CAMK2D: variants seen among roughly 807,000 people sequenced by gnomAD.
CAMK2D encodes the protein calcium/calmodulin dependent protein kinase II delta, also known as calcium/calmodulin-dependent protein kinase type II subunit delta.
In CAMK2D, 37 loss-of-function variants were observed where a neutral mutation model predicts 84.0. The ratio of observed to expected loss-of-function variants is 0.44; its 90% CI spans 0.34 to 0.58. The LOEUF is 0.58. CAMK2D is among the 20% of genes least tolerant of loss of function. The pLI, the probability that CAMK2D is intolerant of heterozygous loss-of-function variation, is 0.02. For synonymous variants in CAMK2D, 202 were observed against 212.5 expected (o/e 0.95, Z 0.43); for missense variants, 448 against 652.5 (o/e 0.69, Z 3.41).
intron 4 of CAMK2D, among the ~76,000 whole-genome samples, chr4:113,589,109 G>A (rs975755419): frequency 6.6e-6 from 1 of 152,162 alleles, no homozygotes; most frequent in Admixed American, 6.6e-5. Flanking sequence ...CTGTGAGGTA[G>A]GCAGTGTGGC....
intron 6 of CAMK2D, among the ~76,000 whole-genome samples, chr4:113,543,131 A>T (rs1210238848): frequency 6.6e-6 from 1 of 152,228 alleles, no homozygotes; most frequent in Admixed American, 6.5e-5. Context: ...TATTTGAAAA[A>T]GCATAGCTTT....
Position 113,454,447 on chromosome 4 carries a change from G to A in CAMK2D, c.*98C>T. ...GAAACATGCATGAAGAGGAGGAGAGGACGGCCCAGGGTCACCATCCAGGTG... is the reference window on the plus strand; with the variant it reads ...GAAACATGCATGAAGAGGAGGAGAGAACGGCCCAGGGTCACCATCCAGGTG... On this transcript the variant is annotated 3_prime_UTR_variant, in exon 21 of 21. Transcript: ENST00000511664. The A allele has an allele frequency of 1.5e-5, 12 of 774,558 alleles. No homozygotes were observed. The South Asian group carries it at 1.6e-4, about 10-fold the overall frequency. The allele number at this position is 774,558 out of a possible 1,614,324, so 48.0% of individuals were successfully genotyped here. A position where few individuals can be genotyped will look rare whatever the true frequency, so the allele number is the denominator to read the frequency against.
chr4:113,704,380 T>C (rs1398577529), intron 2 of CAMK2D, among the ~76,000 whole-genome samples: 4 of 152,178 alleles, frequency 2.6e-5, no homozygotes, highest in Admixed American at 6.5e-5. Flanking sequence ...ACTTTATTGT[T>C]TTATATAAGA....
rs1456311814 is a variant in CAMK2D, at chr4:113,510,250, AT to A, written c.947-576del. 1.2e-4 allele frequency among the ~76,000 whole-genome samples: 19 copies of A among 152,314 alleles called. No homozygotes were observed. The East Asian group carries it at 3.7e-3, about 29-fold the overall frequency. ...ATGGCATATTATTGGCTTAGAGCAAATTTTTAAAATGTTTAGCACATGATCT... is the reference window on the plus strand; with the variant it reads ...ATGGCATATTATTGGCTTAGAGCAAATTTTAAAATGTTTAGCACATGATCT... On this transcript the variant is annotated intron_variant, in intron 12 of 20. Coordinates refer to ENST00000511664, the MANE Select transcript of CAMK2D (RefSeq NM_001321571.2).
At chr4:113,750,915 G>A (rs1268539475) in intron 2 of CAMK2D, among the ~76,000 whole-genome samples, 1 of 152,158 alleles carries the variant, frequency 6.6e-6, no homozygotes, top group Non-Finnish European at 1.5e-5. Flanking sequence ...AGCTACTCAG[G>A]AGGCTGAGGC....
At chr4:113,707,494 A>T (rs2099464114) in intron 2 of CAMK2D, among the ~76,000 whole-genome samples, 2 of 152,312 alleles carry the variant, frequency 1.3e-5, no homozygotes, top group South Asian at 4.1e-4. Flanking sequence ...GCAATGACAT[A>T]TTTGGGTTAC....
intron 3 of CAMK2D, among the ~76,000 whole-genome samples, chr4:113,623,121 A>T (rs1489638131): frequency 6.6e-6 from 1 of 152,146 alleles, no homozygotes; most frequent in African/African-American, 2.4e-5. Context: ...ATGATTCTCA[A>T]AGGTTATACC....
At chr4:113,585,716 C>T (rs541007156) in intron 4 of CAMK2D, among the ~76,000 whole-genome samples, 13 of 132,616 alleles carry the variant, frequency 9.8e-5, no homozygotes, top group Admixed American at 2.5e-4. Context: ...ATTAGTATAT[C>T]ATATAGTATA....
intron 4 of CAMK2D, among the ~76,000 whole-genome samples, chr4:113,572,354 G>A (rs993451864): frequency 6.6e-6 from 1 of 151,614 alleles, no homozygotes; most frequent in African/African-American, 2.4e-5. Context: ...TAAAAAATAT[G>A]GTAAAAAGGG....
intron 2 of CAMK2D, among the ~76,000 whole-genome samples, chr4:113,689,030 G>A (rs747171226): frequency 1.3e-5 from 2 of 151,614 alleles, no homozygotes; most frequent in Non-Finnish European, 2.9e-5. Flanking sequence ...AGATCACGAG[G>A]TCAAGAGATC....
At chr4:113,659,668 G>C (rs893640853) in intron 3 of CAMK2D, among the ~76,000 whole-genome samples, 2 of 152,194 alleles carry the variant, frequency 1.3e-5, no homozygotes, top group Non-Finnish European at 2.9e-5. Flanking sequence ...CTGGCTTCCA[G>C]AGCTATGAGA....
At chr4:113,638,858 T>C (rs2099120494) in intron 3 of CAMK2D, among the ~76,000 whole-genome samples, 1 of 152,148 alleles carries the variant, frequency 6.6e-6, no homozygotes, top group African/African-American at 2.4e-5. Context: ...AATTTAAAAG[T>C]TTATTTAAAA....
intron 8 of CAMK2D, among the ~76,000 whole-genome samples, chr4:113,528,476 G>A (rs943442838): frequency 6.6e-6 from 1 of 151,982 alleles, no homozygotes; most frequent in Non-Finnish European, 1.5e-5. Flanking sequence ...AAAATAGGAA[G>A]GAAACTAGGA....
chr4:113,649,977 G>A (rs566440355), intron 3 of CAMK2D, among the ~76,000 whole-genome samples: 4 of 152,226 alleles, frequency 2.6e-5, no homozygotes, highest in African/African-American at 9.6e-5. Context: ...AGCTACTCGG[G>A]AGGCTGAGGC....
At chr4:113,575,095 C>G (rs2098774126) in intron 4 of CAMK2D, among the ~76,000 whole-genome samples, 1 of 152,166 alleles carries the variant, frequency 6.6e-6, no homozygotes, top group South Asian at 2.1e-4. Flanking sequence ...AATCACTTTT[C>G]CCCTCTGGAG....
chr4:113,694,301 C>T (rs1293175089), intron 2 of CAMK2D, among the ~76,000 whole-genome samples: 1 of 152,164 alleles, frequency 6.6e-6, no homozygotes, highest in East Asian at 1.9e-4. Flanking sequence ...ATTAATGAAG[C>T]ATTAACACAA....
rs2154098044 is a variant in CAMK2D, at chr4:113,453,181, T to A, written c.*1364A>T. 6.6e-6 allele frequency: 1 copy of A among 152,192 alleles called. No individual in the cohort carries two copies. The highest frequency in any genetic ancestry group is 1.9e-4 in the East Asian group (1 of 5,182). The allele number at this position is 152,192 out of a possible 1,614,324, so 9.4% of individuals were successfully genotyped here. Reference sequence around the variant, plus strand: ...CCCTTTTTGTTTTAAACTGGGAAATTCTAACTCCTTGGAGGAAGACAATGA... The same window carrying A: ...CCCTTTTTGTTTTAAACTGGGAAATACTAACTCCTTGGAGGAAGACAATGA... On this transcript the variant is annotated 3_prime_UTR_variant, in exon 21 of 21. Coordinates refer to ENST00000511664, the MANE Select transcript of CAMK2D (RefSeq NM_001321571.2).
rs2098977237 is a variant in CAMK2D at position 113,606,382 on chromosome 4, A to C, written c.275+2770T>G. 2.0e-5 allele frequency among the ~76,000 whole-genome samples: 3 copies of C among 151,990 alleles called. No homozygotes were observed. In the South Asian group the frequency reaches 6.2e-4, roughly 32 times the overall value. The stretch of plus-strand genomic sequence containing the variant: ...CTACTCAGGAGGCTGATGCAGGAGA[A>C]TCGCTTGAACCCAGGAGGCGGCGGT... On this transcript the variant is annotated intron_variant, in intron 4 of 20. Coordinates refer to ENST00000511664, the MANE Select transcript of CAMK2D (RefSeq NM_001321571.2).
intron 4 of CAMK2D, among the ~76,000 whole-genome samples, chr4:113,566,962 T>C (rs1030325600): frequency 6.6e-6 from 1 of 152,100 alleles, no homozygotes; most frequent in African/African-American, 2.4e-5. Context: ...TTCTGTCTTG[T>C]CCATTACTGT....
Sources: gnomAD v4.1 joint callset for allele counts (sites outside exome capture counted in the v4.1 genomes callset) on GRCh38, gnomAD v4.1.1 for gene constraint, MANE v1.5 for transcripts, NCBI Gene and HGNC (gene_info 2026-07-23, HGNC 2026-07-21) for gene names.